The following ABCA10 variants were observed in gnomAD, a reference collection of about 807,000 sequenced individuals.
The protein encoded by ABCA10 is ATP binding cassette subfamily A member 10.
ABCA10 carries 169 observed loss-of-function variants against 187.5 expected under a neutral mutation model. That is an observed-to-expected ratio of 0.90 (90% CI 0.80 to 1.02). The LOEUF is 1.02. Ranked by LOEUF, ABCA10 falls within the 50% of genes least tolerant of loss-of-function variation. The pLI, the probability that ABCA10 is intolerant of heterozygous loss-of-function variation, is 0.00. For synonymous variants in ABCA10, 574 were observed against 601.8 expected, an observed-to-expected ratio of 0.95 and a Z score of 0.68; for missense variants, 1,727 against 1,812.4, an observed-to-expected ratio of 0.95 and a Z score of 0.86.
intron 34 of ABCA10, 103 bp downstream of exon 34, chr17:69,153,202 A>G: frequency 7.2e-7 from 1 of 1,385,038 alleles, no homozygotes; most frequent in South Asian, 1.6e-5. Flanking sequence ...TGCACATCAA[A>G]GGTTAATGGA....
rs1309435485 is a variant in ABCA10, at chr17:69,209,762, T to C, written c.1006+4942A>G. Among the ~76,000 whole-genome samples, 7 of 152,198 alleles carry C rather than the reference T, an allele frequency of 4.6e-5. No homozygotes were observed. The East Asian group carries it at 1.3e-3, about 29-fold the overall frequency. ...TGTGCACTCTACAAACCTAATGATA[T>C]AGTCTACTACGCACCTAGGCTATGT... is the stretch of plus-strand genomic sequence containing the variant. On this transcript the variant is annotated intron_variant, in intron 9 of 38. Coordinates refer to ENST00000690296, the MANE Select transcript of ABCA10 (RefSeq NM_001377321.1).
At chr17:69,208,417 CAAAAAAAAAAAAAA>C (rs67858017) in intron 9 of ABCA10, among the ~76,000 whole-genome samples, 1 of 89,422 alleles carries the variant, frequency 1.1e-5, no homozygotes, top group Non-Finnish European at 2.1e-5. Flanking sequence ...GACTCTGTCT[CAAAAAAAAAAAAAA>C]AAAAAAAAAA....
chr17:69,176,510 C>A (rs913455811), intron 22 of ABCA10, among the ~76,000 whole-genome samples: 4 of 151,832 alleles, frequency 2.6e-5, no homozygotes, highest in African/African-American at 9.7e-5. Flanking sequence ...AAAGGTTGTT[C>A]TAAGAGTATT....
At chr17:69,227,370 A>T (rs1369801817) in intron 1 of ABCA10, 85 bp from the exon 2 acceptor site, 6 of 152,092 alleles carry the variant, frequency 3.9e-5, no homozygotes, top group Admixed American at 2.0e-4. Flanking sequence ...GTGCCAACTA[A>T]ATGCCTTATA....
At chr17:69,184,220 C>T (rs536835201) in intron 20 of ABCA10, among the ~76,000 whole-genome samples, 2 of 152,266 alleles carry the variant, frequency 1.3e-5, no homozygotes, top group South Asian at 2.1e-4. Context: ...TAAGCTCAGA[C>T]GTGCCTAACC....
intron 3 of ABCA10, among the ~76,000 whole-genome samples, chr17:69,224,081 C>T (rs1298641465): frequency 1.3e-5 from 2 of 152,072 alleles, no homozygotes; most frequent in Admixed American, 1.3e-4. Context: ...GGGAGGCCCA[C>T]CAAAGTCAAA....
intron 25 of ABCA10, among the ~76,000 whole-genome samples, chr17:69,170,558 T>C (rs532437817): frequency 6.6e-6 from 1 of 152,294 alleles, no homozygotes; most frequent in African/African-American, 2.4e-5. Context: ...CTGCATTCTA[T>C]ATTTATTCTT....
intron 3 of ABCA10, 152 bp downstream of exon 3, chr17:69,225,173 T>C (rs1034877): frequency 0.99 from 762,181 of 766,176 alleles, 379,112 homozygotes; most frequent in East Asian, 1. Flanking sequence ...TACCCTTAGC[T>C]TCACACCAAC....
At position 69,149,100 on chromosome 17, in the gene ABCA10, G is replaced by C; in HGVS notation, c.4478-12C>G. The C allele has an allele frequency of 6.2e-7, 1 of 1,613,514 alleles. No homozygotes were observed. Among genetic ancestry groups the C allele is most frequent in the Non-Finnish European group, 8.5e-7 (1 of 1,179,580 alleles). ...GAAGGTCTGTTTCACTGCATGTAAA[G>C]AGACTGACATTAGTGGCTTATATAT... On this transcript the variant is annotated splice_polypyrimidine_tract_variant and intron_variant, in intron 37 of 38. Coordinates refer to ENST00000690296, the MANE Select transcript of ABCA10 (RefSeq NM_001377321.1).
chr17:69,168,777 C>T (rs1317991260), intron 25 of ABCA10, among the ~76,000 whole-genome samples: 3 of 152,136 alleles, frequency 2.0e-5, no homozygotes, highest in African/African-American at 4.8e-5. Flanking sequence ...GTGGATGGGA[C>T]CAACAAGATC....
chr17:69,229,395 T>A (rs1430814428), upstream of ABCA10, among the ~76,000 whole-genome samples: 2 of 152,106 alleles, frequency 1.3e-5, no homozygotes, highest in African/African-American at 2.4e-5. Flanking sequence ...CTGATACCCA[T>A]TTAAAAAGTG....
rs2074321975 is a variant in ABCA10 at position 69,174,738 on chromosome 17, G to T, written c.2917C>A (p.Pro973Thr). 1.9e-6 allele frequency: 3 copies of T among 1,602,844 alleles called. No homozygotes were observed. Among genetic ancestry groups the T allele is most frequent in the African/African-American group, 1.3e-5 (1 of 74,346 alleles). ...GCCTGTCCACACCAGTATGCTGAAG[G>T]CCAGAGGCCTGAAATCCATAACTGG... ...QSQLWISGLW[P>T]SAYWCGQALV... Residue 973 changes from proline (P) to threonine (T), a missense_variant, in exon 24 of 39, where the codon CCT (proline) becomes ACT (threonine). Pro to Thr is a conservative substitution (Grantham distance 38). Transcript: ENST00000690296.
intron 12 of ABCA10, 131 bp from the exon 13 acceptor site, chr17:69,194,120 ATAAT>A (rs776373882): frequency 3.2e-5 from 29 of 898,302 alleles, no homozygotes; most frequent in Admixed American, 6.2e-5. Flanking sequence ...TTCCAATTGC[ATAAT>A]TAATACATTG....
At chr17:69,230,766 T>C (rs967172849), upstream of ABCA10, among the ~76,000 whole-genome samples, 1 of 152,128 alleles carries the variant, frequency 6.6e-6, no homozygotes, top group Admixed American at 6.6e-5. Context: ...CTCAGCCAAT[T>C]TTTTCTAAAC....
chr17:69,201,404 G>T (rs1436038835), intron 10 of ABCA10, 96 bp downstream of exon 10: 1 of 1,137,178 alleles, frequency 8.8e-7, no homozygotes, highest in Non-Finnish European at 1.2e-6. Flanking sequence ...ATAATAAAAA[G>T]AAAAGAACAC....
At chr17:69,171,558 G>A (rs2074297455) in intron 25 of ABCA10, among the ~76,000 whole-genome samples, 1 of 152,152 alleles carries the variant, frequency 6.6e-6, no homozygotes, top group South Asian at 2.1e-4. Context: ...ATCTGAAGTG[G>A]TATTGGCTGA....
intron 7 of ABCA10, 32 bp downstream of exon 7, chr17:69,216,185 G>C: frequency 6.3e-7 from 1 of 1,594,306 alleles, no homozygotes; most frequent in Non-Finnish European, 8.5e-7. Context: ...ATCTGAAACA[G>C]GTTAAGAGGT....
At chr17:69,237,838 T>C (rs951469302) in intron 1 of ABCA10, among the ~76,000 whole-genome samples, 1 of 152,076 alleles carries the variant, frequency 6.6e-6, no homozygotes, top group Non-Finnish European at 1.5e-5. Context: ...AGATTGGAGA[T>C]AAGCATCTGC....
chr17:69,165,021 C>T lies in ABCA10; in HGVS notation c.3225G>A (p.Leu1075=), dbSNP rs776837485. The T allele has an allele frequency of 1.2e-6, 2 of 1,611,734 alleles. No homozygotes were observed. Among genetic ancestry groups the T allele is most frequent in the Non-Finnish European group, 1.7e-6 (2 of 1,178,112 alleles). The change falls in exon 26 of 39, where the codon TTG becomes TTA. Residue 1075 remains leucine (L), a synonymous_variant. Coordinates refer to ENST00000690296, the MANE Select transcript of ABCA10 (RefSeq NM_001377321.1). ...STQYEKLNLI[L]CMIFIPSFTL... ...TGAAGGAAGGTATGAAAATCATGCA[C>T]AAAATTAAGTTGAGTTTTTCATATT...
Sources: gnomAD v4.1 joint callset for allele counts (sites outside exome capture counted in the v4.1 genomes callset) on GRCh38, gnomAD v4.1.1 for gene constraint, MANE v1.5 for transcripts, NCBI Gene and HGNC (gene_info 2026-07-23, HGNC 2026-07-21) for gene names.